The following ZMAT4 variants were observed in gnomAD, a reference collection of about 807,000 sequenced individuals.
ZMAT4 encodes the protein zinc finger matrin-type protein 4.
ZMAT4 carries 17 observed loss-of-function variants against 28.7 expected under a neutral mutation model. The observed-to-expected ratio is 0.59, with a 90% CI of 0.41 to 0.89. The LOEUF is 0.89. Among genes scored for constraint, ZMAT4 ranks in the 40% least tolerant of loss-of-function variants. The probability of loss-of-function intolerance (pLI) is 0.00; values close to 1 mark genes in which losing one functional copy is unlikely to be tolerated. For missense variants in ZMAT4, 240 were observed against 283.8 expected, an observed-to-expected ratio of 0.85 and a Z score of 1.11; for synonymous variants, 117 against 109.2, an observed-to-expected ratio of 1.07 and a Z score of -0.44.
At chr8:40,770,604 A>G (rs748815649) in intron 2 of ZMAT4, among the ~76,000 whole-genome samples, 1 of 143,964 alleles carries the variant, frequency 6.9e-6, no homozygotes, top group Non-Finnish European at 1.5e-5. Flanking sequence ...CTGGAGTGCA[A>G]TGGCACAATC....
At chr8:40,894,741 T>C (rs1280402517) in intron 1 of ZMAT4, among the ~76,000 whole-genome samples, 5 of 151,540 alleles carry the variant, frequency 3.3e-5, no homozygotes, top group African/African-American at 9.7e-5. Flanking sequence ...AGACACACCT[T>C]CCCCTAGGAC....
chr8:40,792,475 G>GGAAGGAAGGAAGGAAGGAAA (rs1202299917), intron 2 of ZMAT4, among the ~76,000 whole-genome samples: 31 of 2,412 alleles, frequency 0.013, no homozygotes, highest in South Asian at 0.056. Context: ...ATAGTATTCA[G>GGAAGGAAGGAAGGAAGGAAA]GAAGGAAGGA....
intron 2 of ZMAT4, among the ~76,000 whole-genome samples, chr8:40,777,546 G>A (rs1813649551): frequency 6.6e-6 from 1 of 152,250 alleles, no homozygotes; most frequent in Non-Finnish European, 1.5e-5. Flanking sequence ...ATCCCTGAGT[G>A]TTGGCCGATG....
In ZMAT4 at chr8:40,535,106, A is replaced by T. The variant is rs533389462; in HGVS notation, c.675-2868T>A. 2.6e-5 allele frequency among the ~76,000 whole-genome samples: 4 copies of T among 152,282 alleles called. No homozygotes were observed. In the South Asian group the frequency reaches 8.3e-4, roughly 32 times the overall value. The stretch of plus-strand genomic sequence containing the variant: ...ATGGGTACCTCTGCCTTCCCAAAAG[A>T]GAAGTGTCCCTGTCAGGGAATGTGG... On this transcript the variant is annotated intron_variant, in intron 6 of 6. Transcript: ENST00000297737.
intron 1 of ZMAT4, among the ~76,000 whole-genome samples, chr8:40,881,578 G>GAAAA (rs746398678): frequency 1.9e-5 from 2 of 105,980 alleles, no homozygotes; most frequent in Admixed American, 9.7e-5. Flanking sequence ...AAGAAAGAAA[G>GAAAA]AAAGAAAGAA....
chr8:40,648,530 T>C (rs1398590390), intron 5 of ZMAT4, among the ~76,000 whole-genome samples: 1 of 147,706 alleles, frequency 6.8e-6, no homozygotes, highest in East Asian at 2.0e-4. Context: ...ACTTCCCCAA[T>C]CTAGCAAGGC....
rs187226357 is a variant in ZMAT4, at chr8:40,567,635, G to A, written c.674+13530C>T. ...AATCACTTGAACCCCCCTGGGAGGC[G>A]GAGGTTGCAGTGAGCCAAGATCATG... is the stretch of plus-strand genomic sequence containing the variant. On this transcript the variant is annotated intron_variant, in intron 6 of 6. Coordinates refer to ENST00000297737, the MANE Select transcript of ZMAT4 (RefSeq NM_024645.3). Among the ~76,000 whole-genome samples, 18 of 151,552 alleles carry A rather than the reference G, an allele frequency of 1.2e-4. No individual in the cohort carries two copies. In the East Asian group the frequency reaches 2.0e-3, roughly 16 times the overall value.
intron 5 of ZMAT4, among the ~76,000 whole-genome samples, chr8:40,674,080 C>CTTTTTTTTTT (rs59753899): frequency 5.6e-5 from 6 of 107,242 alleles, no homozygotes; most frequent in Admixed American, 2.3e-4. Context: ...TTTTTATCAT[C>CTTTTTTTTTT]TTTTTTTTTT....
chr8:40,653,667 TAAAAC>T (rs755708791), intron 5 of ZMAT4, among the ~76,000 whole-genome samples: 4 of 152,070 alleles, frequency 2.6e-5, no homozygotes, highest in African/African-American at 7.2e-5. Flanking sequence ...ACAACCTACT[TAAAAC>T]AGATAAATTC....
At chr8:40,805,073 A>C (rs1045642733) in intron 2 of ZMAT4, among the ~76,000 whole-genome samples, 1 of 151,744 alleles carries the variant, frequency 6.6e-6, no homozygotes, top group Admixed American at 6.6e-5. Flanking sequence ...AATATCCAGA[A>C]TCTACAATGA....
intron 5 of ZMAT4, among the ~76,000 whole-genome samples, chr8:40,655,290 A>G (rs1250192126): frequency 1.3e-5 from 2 of 152,096 alleles, no homozygotes; most frequent in Non-Finnish European, 2.9e-5. Context: ...AACCTATAAC[A>G]TATTGTTGAA....
chr8:40,738,190 A>G (rs540424990), intron 3 of ZMAT4, among the ~76,000 whole-genome samples: 2 of 152,344 alleles, frequency 1.3e-5, no homozygotes, highest in East Asian at 3.9e-4. Flanking sequence ...CCAGGTGTTA[A>G]CAAAGGAATA....
intron 3 of ZMAT4, among the ~76,000 whole-genome samples, chr8:40,717,476 G>A (rs9643847): frequency 0.14 from 21,464 of 151,982 alleles, 2,137 homozygotes; most frequent in East Asian, 0.38. Context: ...GCAACACAGT[G>A]ATACTCCATC....
chr8:40,586,244 A>AT (rs1367793707), intron 5 of ZMAT4, among the ~76,000 whole-genome samples: 8 of 152,296 alleles, frequency 5.3e-5, no homozygotes, highest in African/African-American at 1.9e-4. Flanking sequence ...TTCCTTAGAG[A>AT]ACCAGAACAT....
At chr8:40,669,559 G>A (rs1033590971) in intron 5 of ZMAT4, among the ~76,000 whole-genome samples, 7 of 151,794 alleles carry the variant, frequency 4.6e-5, no homozygotes, top group African/African-American at 1.7e-4. Context: ...AAGATGATGA[G>A]TACTTCCACT....
intron 2 of ZMAT4, among the ~76,000 whole-genome samples, chr8:40,777,059 A>C (rs963041770): frequency 2.0e-5 from 3 of 152,142 alleles, no homozygotes; most frequent in Non-Finnish European, 4.4e-5. Context: ...ATTAAATAGA[A>C]CTAGTATTTC....
At chr8:40,881,160 T>A (rs1461668505) in intron 1 of ZMAT4, among the ~76,000 whole-genome samples, 1 of 151,970 alleles carries the variant, frequency 6.6e-6, no homozygotes, top group Non-Finnish European at 1.5e-5. Context: ...GGAGGATCGT[T>A]TGAGGCCAGG....
At chr8:40,739,374 G>C (rs1811907323) in intron 3 of ZMAT4, among the ~76,000 whole-genome samples, 1 of 152,242 alleles carries the variant, frequency 6.6e-6, no homozygotes, top group South Asian at 2.1e-4. Flanking sequence ...GCCTGTTGAA[G>C]CCTAAAGACC....
At chr8:40,717,079 C>T (rs1331505918) in intron 3 of ZMAT4, among the ~76,000 whole-genome samples, 1 of 152,188 alleles carries the variant, frequency 6.6e-6, no homozygotes, top group Admixed American at 6.5e-5. Context: ...TGTTGTATCT[C>T]GTCTATAATC....
Sources: allele counts gnomAD v4.1 joint callset (sites outside exome capture counted in the v4.1 genomes callset), GRCh38; gene constraint gnomAD v4.1.1; transcripts MANE v1.5; gene names NCBI Gene and HGNC (gene_info 2026-07-23, HGNC 2026-07-21).